Variants in GPRIN3 observed in about 807,000 individuals in gnomAD.
GPRIN3 encodes the protein G protein-regulated inducer of neurite outgrowth 3.
GPRIN3 carries 12 observed loss-of-function variants against 13.7 expected under a neutral mutation model. The observed-to-expected ratio is 0.87, with a 90% confidence interval of 0.56 to 1.42. The LOEUF (loss-of-function observed/expected upper bound fraction) is 1.42. Among genes scored for constraint, GPRIN3 ranks in the 40% most tolerant of loss-of-function variants. GPRIN3 has a pLI of 0.00. For missense variants in GPRIN3, 1,009 were observed against 958.7 expected, an observed-to-expected ratio of 1.05 and a Z score of -0.69; for synonymous variants, 377 against 372.7, an observed-to-expected ratio of 1.01 and a Z score of -0.13.
At chr4:89,263,363 A>AG (rs150595060) in intron 1 of GPRIN3, among the ~76,000 whole-genome samples, 1,644 of 152,234 alleles carry the variant, frequency 0.011, 26 homozygotes, top group East Asian at 0.088. Flanking sequence ...GCCAGGTGGG[A>AG]GGGGGTCCCC....
At chr4:89,264,577 G>A (rs1336979879) in intron 1 of GPRIN3, among the ~76,000 whole-genome samples, 1 of 152,142 alleles carries the variant, frequency 6.6e-6, no homozygotes, top group Non-Finnish European at 1.5e-5. Context: ...CTAGTGCAAA[G>A]GTCTTATGTA....
At position 89,239,251 on chromosome 4, in the gene GPRIN3, T is replaced by G. The variant is rs534611885; in HGVS notation, c.*8529A>C. 3 of 152,180 alleles carry G rather than the reference T, an allele frequency of 2.0e-5. No individual in the cohort carries two copies. Among genetic ancestry groups the G allele is most frequent in the Non-Finnish European group, 4.4e-5 (3 of 68,016 alleles). 9.4% of individuals were successfully genotyped at this position (152,180 alleles called of 1,614,324 possible). On this transcript the variant is annotated 3_prime_UTR_variant, in exon 2 of 2. Transcript: ENST00000609438. ...GTAATATTATACCACACTTTTGATC[T>G]TTCTTAGTTGAGTATTTACACACAT...
At chr4:89,268,840 G>A (rs1723851786) in intron 1 of GPRIN3, among the ~76,000 whole-genome samples, 2 of 152,144 alleles carry the variant, frequency 1.3e-5, no homozygotes, top group East Asian at 1.9e-4. Context: ...AATTTGGCAA[G>A]CTCTCTAAAT....
chr4:89,294,484 A>G (rs1222384956), intron 1 of GPRIN3, among the ~76,000 whole-genome samples: 1 of 152,182 alleles, frequency 6.6e-6, no homozygotes, highest in Non-Finnish European at 1.5e-5. Flanking sequence ...CGACCTTTTT[A>G]CTTAAATTCC....
At position 89,245,901 on chromosome 4, in the gene GPRIN3, T is replaced by C. The variant is rs1017942608; in HGVS notation, c.*1879A>G. ...AGTATTCTTAATAGACACCAATGGG[T>C]AAGAAACTGAAAAATGTGCCTTATT... On this transcript the variant is annotated 3_prime_UTR_variant, in exon 2 of 2. Coordinates refer to ENST00000609438, the MANE Select transcript of GPRIN3 (RefSeq NM_198281.3). 1 of 152,174 alleles carries C rather than the reference T, an allele frequency of 6.6e-6. No homozygotes were observed. The highest frequency in any genetic ancestry group is 1.5e-5 in the Non-Finnish European group (1 of 68,030). 9.4% of individuals were successfully genotyped at this position (152,174 alleles called of 1,614,324 possible). A position where few individuals can be genotyped will look rare whatever the true frequency, so the allele number is the denominator to read the frequency against.
At chr4:89,304,046 C>A (rs892200085) in intron 1 of GPRIN3, among the ~76,000 whole-genome samples, 1 of 152,026 alleles carries the variant, frequency 6.6e-6, no homozygotes, top group Non-Finnish European at 1.5e-5. Context: ...AAATCAGCAC[C>A]CCTTCCTCAC....
intron 1 of GPRIN3, among the ~76,000 whole-genome samples, chr4:89,268,105 G>A (rs945145586): frequency 1.3e-5 from 2 of 152,172 alleles, no homozygotes; most frequent in African/African-American, 4.8e-5. Flanking sequence ...GTGGGCAATA[G>A]GAAGTTACTA....
chr4:89,303,633 G>C (rs1296140969), intron 1 of GPRIN3, among the ~76,000 whole-genome samples: 1 of 151,846 alleles, frequency 6.6e-6, no homozygotes, highest in Non-Finnish European at 1.5e-5. Context: ...GATCAGGGGA[G>C]GAAAAGGGGG....
At chr4:89,263,266 T>C (rs915967713) in intron 1 of GPRIN3, among the ~76,000 whole-genome samples, 7 of 152,206 alleles carry the variant, frequency 4.6e-5, no homozygotes, top group Admixed American at 4.6e-4. Flanking sequence ...CAAAATAAGA[T>C]GTATACATTT....
At chr4:89,284,419 G>A (rs924675926) in intron 1 of GPRIN3, among the ~76,000 whole-genome samples, 2 of 152,160 alleles carry the variant, frequency 1.3e-5, no homozygotes, top group Non-Finnish European at 2.9e-5. Flanking sequence ...CAAGCTGTGT[G>A]GCCTCAGGCA....
rs561651570 is a variant in GPRIN3, at chr4:89,249,799, C to T, written c.312G>A (p.Gly104=). ...GGGCTGATGCTGCGGGCTGGCTGCTCCCTGGCAGCTGGGGATTGCCGGGAG... is the reference window on the plus strand; with the variant it reads ...GGGCTGATGCTGCGGGCTGGCTGCTTCCTGGCAGCTGGGGATTGCCGGGAG... The part of the protein sequence containing the change: ...FNSPGNPQLP[G]SSQPAASAPS... The change falls in exon 2 of 2, where the codon GGG becomes GGA. Residue 104 remains glycine (G), a synonymous_variant. Transcript: ENST00000609438. The T allele has an allele frequency of 7.4e-6, 12 of 1,614,044 alleles. No homozygotes were observed. Among genetic ancestry groups the T allele is most frequent in the Middle Eastern group, 1.6e-4 (1 of 6,062 alleles).
intron 1 of GPRIN3, among the ~76,000 whole-genome samples, chr4:89,282,948 C>CAA (rs1724293868): frequency 6.6e-6 from 1 of 152,054 alleles, no homozygotes; most frequent in African/African-American, 2.4e-5. Context: ...GCCACACATG[C>CAA]GATTATGTTA....
chr4:89,248,208 G>T lies in GPRIN3; in HGVS notation c.1903C>A (p.Pro635Thr). 6.2e-7 allele frequency: 1 copy of T among 1,614,194 alleles called. No homozygotes were observed. The stretch of plus-strand genomic sequence containing the variant: ...TTGAGGAACTCGCTGACGCGGCTGG[G>T]CCTGCGTGGGCTGGCTTTGACGGAG... ...SRSVKASPRR[P>T]SRVSEFLKEQ... Residue 635 changes from proline to threonine, a missense_variant, in exon 2 of 2, where the codon CCC becomes ACC. By Grantham distance (38) the Pro-to-Thr change is conservative. Transcript: ENST00000609438.
rs901859239 is a variant in GPRIN3 at position 89,244,475 on chromosome 4, AAG to A, written c.*3303_*3304del. On this transcript the variant is annotated 3_prime_UTR_variant, in exon 2 of 2. Coordinates refer to ENST00000609438, the MANE Select transcript of GPRIN3 (RefSeq NM_198281.3). ...ATATTCAATTTCAGACGTGAACAAA[AAG>A]GTTTCTGGTTAACATTGACTTATCA... is the stretch of plus-strand genomic sequence containing the variant. 2.6e-5 allele frequency: 4 copies of A among 152,222 alleles called. No homozygotes were observed. The highest frequency in any genetic ancestry group is 9.6e-5 in the African/African-American group (4 of 41,468). The allele number at this position is 152,222 out of a possible 1,614,324, so 9.4% of individuals were successfully genotyped here. A position where few individuals can be genotyped will look rare whatever the true frequency, so the allele number is the denominator to read the frequency against.
rs1722811229 is a variant in GPRIN3, at chr4:89,237,105, T to C, written c.*10675A>G. 1 of 151,940 alleles carries C rather than the reference T, an allele frequency of 6.6e-6. No homozygotes were observed. The highest frequency in any genetic ancestry group is 1.9e-4 in the East Asian group (1 of 5,182). 9.4% of individuals were successfully genotyped at this position (151,940 alleles called of 1,614,324 possible). A position where few individuals can be genotyped will look rare whatever the true frequency, so the allele number is the denominator to read the frequency against. On this transcript the variant is annotated 3_prime_UTR_variant, in exon 2 of 2. Transcript: ENST00000609438. Reference sequence around the variant, plus strand: ...CGGGACTAAAAAAGGTGTAGGGAAATACCATTCTTGAGATGCCAGTACTCC... The same window carrying C: ...CGGGACTAAAAAAGGTGTAGGGAAACACCATTCTTGAGATGCCAGTACTCC...
Position 89,247,957 on chromosome 4 carries a change from C to T in GPRIN3, c.2154G>A (p.Arg718=), listed in dbSNP as rs777175096. 1 of 1,614,076 alleles carries T rather than the reference C, an allele frequency of 6.2e-7. No individual in the cohort carries two copies. Among genetic ancestry groups the T allele is most frequent in the Non-Finnish European group, 8.5e-7 (1 of 1,180,000 alleles). Residue 718 remains arginine (R), a synonymous_variant, in exon 2 of 2, where the codon AGG becomes AGA. Transcript: ENST00000609438. ...AIQNHLQRQI[R]EHEKLIKTQN... ...GAGTTTTGATTAATTTCTCATGTTC[C>T]CTGATTTGTCTTTGCAAATGGTTCT...
At chr4:89,288,226 C>T (rs1330350873) in intron 1 of GPRIN3, among the ~76,000 whole-genome samples, 1 of 152,128 alleles carries the variant, frequency 6.6e-6, no homozygotes, top group East Asian at 1.9e-4. Context: ...GACATGTGAT[C>T]CCAAAGAAAG....
Position 89,243,860 on chromosome 4 carries a change from G to A in GPRIN3, c.*3920C>T, listed in dbSNP as rs946940353. 1 of 152,102 alleles carries A rather than the reference G, an allele frequency of 6.6e-6. No individual in the cohort carries two copies. The highest frequency in any genetic ancestry group is 1.5e-5 in the Non-Finnish European group (1 of 68,020). 9.4% of individuals were successfully genotyped at this position (152,102 alleles called of 1,614,324 possible). ...ATACTGATTCATAAAAGTAGACAAG[G>A]GATGTGGTTAATTATGTGTTACTAG... On this transcript the variant is annotated 3_prime_UTR_variant, in exon 2 of 2. Coordinates refer to ENST00000609438, the MANE Select transcript of GPRIN3 (RefSeq NM_198281.3).
intron 1 of GPRIN3, among the ~76,000 whole-genome samples, chr4:89,270,598 T>TATATATATATATATAG (rs1723921383): frequency 7.8e-6 from 1 of 127,718 alleles, no homozygotes; most frequent in South Asian, 2.6e-4. Flanking sequence ...TATATATATA[T>TATATATATATATATAG]ATAAAATATA....
Sources: gnomAD v4.1 joint callset for allele counts (sites outside exome capture counted in the v4.1 genomes callset) on GRCh38, gnomAD v4.1.1 for gene constraint, MANE v1.5 for transcripts, NCBI Gene and HGNC (gene_info 2026-07-23, HGNC 2026-07-21) for gene names.